The following DOCK3 variants were observed in gnomAD, a reference collection of about 807,000 sequenced individuals.
DOCK3 encodes the protein dedicator of cytokinesis 3.
A neutral mutation model predicts 265.6 loss-of-function variants in DOCK3; 60 were observed. The observed-to-expected ratio is 0.23, with a 90% CI of 0.18 to 0.28. The LOEUF (loss-of-function observed/expected upper bound fraction) is 0.28, where lower values mean the gene tolerates loss of function less well. Ranked by LOEUF, DOCK3 falls within the 10% of genes least tolerant of loss-of-function variation. DOCK3 has a pLI of 1.00. For missense variants in DOCK3, 1,981 were observed against 2,594.3 expected (o/e 0.76, Z 5.14); for synonymous variants, 881 against 938.0 (o/e 0.94, Z 1.11).
chr3:51,375,733 A>G lies in DOCK3; in HGVS notation c.5413-15A>G. 1 of 1,613,816 alleles carries G rather than the reference A, an allele frequency of 6.2e-7. No homozygotes were observed. Among genetic ancestry groups the G allele is most frequent in the South Asian group, 1.1e-5 (1 of 91,064 alleles). On this transcript the variant is annotated splice_polypyrimidine_tract_variant and intron_variant, in intron 50 of 52. Transcript: ENST00000266037. The stretch of plus-strand genomic sequence containing the variant: ...GTTGTTTTCACTCTCTGTAATGTTT[A>G]TCTCCTTCCTTCAGCCGCCGAATTT...
At chr3:51,322,677 G>T (rs904913529) in intron 32 of DOCK3, among the ~76,000 whole-genome samples, 3 of 151,990 alleles carry the variant, frequency 2.0e-5, no homozygotes, top group South Asian at 2.1e-4. Context: ...AGGAGTAACC[G>T]GTACCAGCCA....
rs2043596109 is a variant in DOCK3, at chr3:50,809,174, A to G, written c.121+30416A>G. On this transcript the variant is annotated intron_variant, in intron 2 of 52. Transcript: ENST00000266037. ...GTAGAGGGAAAAAGAAGTCACGATG[A>G]GTTATTTTACGAAAGGCTTGTATTC... Among the ~76,000 whole-genome samples the G allele has an allele frequency of 2.0e-5, 3 of 152,226 alleles. No individual in the cohort carries two copies. The South Asian group carries it at 6.2e-4, about 32-fold the overall frequency.
intron 5 of DOCK3, among the ~76,000 whole-genome samples, chr3:50,976,742 G>C (rs1415375812): frequency 0.015 from 2,227 of 149,918 alleles, 22 homozygotes; most frequent in Non-Finnish European, 0.022. Flanking sequence ...TGACAGTGGG[G>C]TGTTAAAGTC....
intron 1 of DOCK3, among the ~76,000 whole-genome samples, chr3:50,731,145 A>AG (rs1490143328): frequency 3.3e-5 from 5 of 152,050 alleles, no homozygotes; most frequent in Non-Finnish European, 7.4e-5. Context: ...AAAAAAAAAA[A>AG]AAGTTCCTTT....
intron 12 of DOCK3, among the ~76,000 whole-genome samples, chr3:51,195,808 G>A (rs1393309512): frequency 2.0e-5 from 3 of 152,144 alleles, no homozygotes; most frequent in Non-Finnish European, 4.4e-5. Context: ...CAGTCCAGGG[G>A]CAATGAATCC....
intron 2 of DOCK3, among the ~76,000 whole-genome samples, chr3:50,785,875 T>C (rs1430299983): frequency 1.3e-5 from 2 of 152,170 alleles, no homozygotes; most frequent in East Asian, 1.9e-4. Context: ...ATAGTTTCAA[T>C]AGGATTTTTA....
chr3:51,380,737 C>G (rs553870936), intron 52 of DOCK3, among the ~76,000 whole-genome samples: 1 of 152,312 alleles, frequency 6.6e-6, no homozygotes, highest in Non-Finnish European at 1.5e-5. Flanking sequence ...CCCTCCTCAA[C>G]AGGCCTGATG....
intron 4 of DOCK3, among the ~76,000 whole-genome samples, chr3:50,916,323 A>T (rs1575522264): frequency 1.3e-5 from 2 of 150,964 alleles, no homozygotes; most frequent in East Asian, 3.9e-4. Context: ...GCACAATCTC[A>T]CTCTGTTACC....
At chr3:51,312,431 T>G in intron 29 of DOCK3, 45 bp from the exon 30 acceptor site, 1 of 1,545,020 alleles carries the variant, frequency 6.5e-7, no homozygotes, top group Non-Finnish European at 8.9e-7. Context: ...CCCTACAAGA[T>G]TAAGTTCTTA....
Position 51,181,307 on chromosome 3 carries a change from G to A in DOCK3, c.1037+20605G>A, listed in dbSNP as rs9311466. Among the ~76,000 whole-genome samples the A allele has an allele frequency of 3.9e-3, 439 of 112,638 alleles. 6 individuals are homozygous for A. Among genetic ancestry groups the A allele is most frequent in the African/African-American group, 0.015 (423 of 27,472 alleles). 73.9% of individuals were successfully genotyped at this position (112,638 alleles called of 152,430 possible). On this transcript the variant is annotated intron_variant, in intron 12 of 52. Coordinates refer to ENST00000266037, the MANE Select transcript of DOCK3 (RefSeq NM_004947.5). The stretch of plus-strand genomic sequence containing the variant: ...CCCCCCTCCCCCCACCCCACAACAG[G>A]CCCTGGTGTATGATGTTCCCCTTCC...
chr3:51,016,478 A>T (rs868843431), intron 5 of DOCK3, among the ~76,000 whole-genome samples: 12 of 60,064 alleles, frequency 2.0e-4, no homozygotes, highest in East Asian at 4.7e-4. Flanking sequence ...TTTCTACATA[A>T]TATATATATC....
At chr3:50,864,201 T>G (rs1444970363) in intron 3 of DOCK3, among the ~76,000 whole-genome samples, 2 of 152,192 alleles carry the variant, frequency 1.3e-5, no homozygotes, top group African/African-American at 2.4e-5. Context: ...TTTTCCTGAT[T>G]ATTAGTGATA....
chr3:50,804,355 G>A (rs1423704983), intron 2 of DOCK3, among the ~76,000 whole-genome samples: 1 of 152,156 alleles, frequency 6.6e-6, no homozygotes, highest in Non-Finnish European at 1.5e-5. Flanking sequence ...GGCAGAGGCT[G>A]CAATCTCGGC....
chr3:50,812,127 A>T (rs1026896194), intron 2 of DOCK3, among the ~76,000 whole-genome samples: 40 of 152,230 alleles, frequency 2.6e-4, no homozygotes, highest in Admixed American at 2.6e-3. Context: ...AACCTGTTGG[A>T]TGGTAGAAAA....
At chr3:51,037,715 C>T (rs2080323426) in intron 5 of DOCK3, among the ~76,000 whole-genome samples, 1 of 152,070 alleles carries the variant, frequency 6.6e-6, no homozygotes, top group African/African-American at 2.4e-5. Flanking sequence ...ATTCATTAAT[C>T]AAATAGTTTT....
intron 23 of DOCK3, among the ~76,000 whole-genome samples, chr3:51,266,903 G>C (rs2080205168): frequency 6.6e-6 from 1 of 152,152 alleles, no homozygotes. Flanking sequence ...CTATAGAATA[G>C]GAGAAAATTT....
intron 5 of DOCK3, among the ~76,000 whole-genome samples, chr3:51,044,403 G>C (rs2080672792): frequency 6.6e-6 from 1 of 152,008 alleles, no homozygotes; most frequent in Non-Finnish European, 1.5e-5. Context: ...CACATAGAGG[G>C]GAACAACACA....
chr3:51,296,602 G>A (rs2082093240), intron 27 of DOCK3, among the ~76,000 whole-genome samples: 2 of 151,034 alleles, frequency 1.3e-5, no homozygotes, highest in East Asian at 2.0e-4. Flanking sequence ...TCAGCCTCTT[G>A]AGTAGCTGGG....
At position 51,222,099 on chromosome 3, in the gene DOCK3, A is replaced by G. The variant is rs192473780; in HGVS notation, c.1253-3550A>G. Among the ~76,000 whole-genome samples, 341 of 152,320 alleles carry G rather than the reference A, an allele frequency of 2.2e-3. 1 individual carries two copies. Among genetic ancestry groups the G allele is most frequent in the African/African-American group, 8.0e-3 (331 of 41,576 alleles). ...GAAATCTGTTTTCAACAAGTTCCCC[A>G]GGTGGTTCGAATACAATCATCCAGG... On this transcript the variant is annotated intron_variant, in intron 14 of 52. Coordinates refer to ENST00000266037, the MANE Select transcript of DOCK3 (RefSeq NM_004947.5).
Sources: allele counts gnomAD v4.1 joint callset (sites outside exome capture counted in the v4.1 genomes callset), GRCh38; gene constraint gnomAD v4.1.1; transcripts MANE v1.5; gene names NCBI Gene and HGNC (gene_info 2026-07-23, HGNC 2026-07-21).